MRPS22: variants seen among roughly 807,000 people sequenced by gnomAD.
MRPS22 encodes the protein small ribosomal subunit protein mS22.
MRPS22 carries 30 observed loss-of-function variants against 44.0 expected under a neutral mutation model. The observed-to-expected ratio is 0.68, with a 90% confidence interval of 0.51 to 0.93. The LOEUF is 0.93. MRPS22 is among the 40% of genes least tolerant of loss of function. MRPS22 has a pLI of 0.00. For missense variants in MRPS22, 447 were observed against 447.8 expected, an observed-to-expected ratio of 1.00 and a Z score of 0.02; for synonymous variants, 165 against 154.4, an observed-to-expected ratio of 1.07 and a Z score of -0.51.
At position 139,348,312 on chromosome 3, in the gene MRPS22, CATA is replaced by C. The variant is rs1941085452; in HGVS notation, c.493_495del (p.Ile165del). 6.2e-7 allele frequency: 1 copy of C among 1,613,734 alleles called. No individual in the cohort carries two copies. Among genetic ancestry groups the C allele is most frequent in the Admixed American group, 1.7e-5 (1 of 60,000 alleles). ...ATGTGTTTACTGATATATCATATAG[CATA>C]CCACACCGGGTGAGTATATGTCTAA... On this transcript the variant is annotated inframe_deletion, in exon 3 of 8. Coordinates refer to ENST00000680020, the MANE Select transcript of MRPS22 (RefSeq NM_020191.4).
chr3:139,356,406 A>G (rs1275334184), intron 7 of MRPS22, among the ~76,000 whole-genome samples: 4 of 152,214 alleles, frequency 2.6e-5, no homozygotes, highest in African/African-American at 9.6e-5. Context: ...CAGAATATAC[A>G]TGGTTTTGTG....
At chr3:139,353,896 T>G (rs995355467) in intron 6 of MRPS22, among the ~76,000 whole-genome samples, 1 of 152,242 alleles carries the variant, frequency 6.6e-6, no homozygotes, top group Admixed American at 6.5e-5. Context: ...TGAAATTGCT[T>G]TATTATTAAA....
chr3:139,354,948 AC>A (rs1470063335), intron 6 of MRPS22, among the ~76,000 whole-genome samples: 1 of 152,194 alleles, frequency 6.6e-6, no homozygotes, highest in African/African-American at 2.4e-5. Flanking sequence ...TTTTGCTAGG[AC>A]AGTTTTAATG....
At chr3:139,344,601 A>G (rs1941002571) in intron 1 of MRPS22, 2 of 643,160 alleles carry the variant, frequency 3.1e-6, no homozygotes, top group Non-Finnish European at 5.6e-6. Context: ...AATATGACCA[A>G]AGCTGAGATC....
At chr3:139,356,342 T>C (rs891045393) in intron 7 of MRPS22, among the ~76,000 whole-genome samples, 4 of 152,202 alleles carry the variant, frequency 2.6e-5, no homozygotes, top group African/African-American at 9.7e-5. Flanking sequence ...AGATGATATT[T>C]TCAGGAAGGG....
In MRPS22 at chr3:139,355,669, C is replaced by T. The variant is rs1375134414; in HGVS notation, c.879-13C>T. 3.1e-6 allele frequency: 5 copies of T among 1,607,094 alleles called. No individual in the cohort carries two copies. Among genetic ancestry groups the T allele is most frequent in the Non-Finnish European group, 4.3e-6 (5 of 1,173,724 alleles). On this transcript the variant is annotated splice_polypyrimidine_tract_variant and intron_variant, in intron 6 of 7. Coordinates refer to ENST00000680020, the MANE Select transcript of MRPS22 (RefSeq NM_020191.4). ...GAAAACCCCTAGATAACATTAAACCCTTTCATTCTCAGAATCGATGATGCA... is the reference window on the plus strand; with the variant it reads ...GAAAACCCCTAGATAACATTAAACCTTTTCATTCTCAGAATCGATGATGCA...
rs758244041 is a variant in MRPS22 at position 139,350,305 on chromosome 3, A to G, written c.631A>G (p.Lys211Glu). ...GRKILTPIIF[K>E]EENLRTMYSQ... ...TAAAATTTTGACACCAATAATTTTC[A>G]AGGAAGAAAATCTTAGGGTAAGGTG... Residue 211 changes from lysine (K) to glutamate (E), a missense_variant, in exon 4 of 8, where the codon AAG becomes GAG. By Grantham distance (56) the Lys-to-Glu change is moderately conservative. Coordinates refer to ENST00000680020, the MANE Select transcript of MRPS22 (RefSeq NM_020191.4). The G allele has an allele frequency of 6.2e-7, 1 of 1,614,164 alleles. No individual in the cohort carries two copies. The highest frequency in any genetic ancestry group is 8.5e-7 in the Non-Finnish European group (1 of 1,180,006).
In MRPS22 at chr3:139,357,068, A is replaced by G; in HGVS notation, c.*54A>G. On this transcript the variant is annotated 3_prime_UTR_variant, in exon 8 of 8. Coordinates refer to ENST00000680020, the MANE Select transcript of MRPS22 (RefSeq NM_020191.4). ...TAAATACTGACTACATTTCTCTGTTAATATTGAGCTAAATGTTAAAAAATG... is the reference window on the plus strand; with the variant it reads ...TAAATACTGACTACATTTCTCTGTTGATATTGAGCTAAATGTTAAAAAATG... 7.3e-7 allele frequency: 1 copy of G among 1,374,850 alleles called. No homozygotes were observed. Among genetic ancestry groups the G allele is most frequent in the South Asian group, 1.2e-5 (1 of 81,920 alleles). 85.2% of individuals were successfully genotyped at this position (1,374,850 alleles called of 1,614,324 possible).
At chr3:139,348,033 C>T in intron 2 of MRPS22, 127 bp from the exon 3 acceptor site, 1 of 1,003,990 alleles carries the variant, frequency 1.0e-6, no homozygotes, top group Non-Finnish European at 1.5e-6. Flanking sequence ...TTTTTACTCA[C>T]TGATTTGTGG....
At chr3:139,350,779 T>C (rs769186857) in intron 4 of MRPS22, 198 bp from the exon 5 acceptor site, 4 of 615,870 alleles carry the variant, frequency 6.5e-6, no homozygotes, top group Non-Finnish European at 1.2e-5. Context: ...CAAGATGGGT[T>C]GTACTAGGGT....
rs772611070 is a variant in MRPS22 at position 139,352,660 on chromosome 3, C to T, written c.746C>T (p.Thr249Ile). ...STEYIKVHHK[T>I]YEDIDKRGKY... ...TTATGTGGATAGGTTCATCACAAGA[C>T]CTATGAAGATATAGATAAACGTGGA... is the stretch of plus-strand genomic sequence containing the variant. Residue 249 changes from threonine (T) to isoleucine (I), a missense_variant, in exon 6 of 8, where the codon ACC becomes ATC. Coordinates refer to ENST00000680020, the MANE Select transcript of MRPS22 (RefSeq NM_020191.4). 1 of 1,613,148 alleles carries T rather than the reference C, an allele frequency of 6.2e-7. No individual in the cohort carries two copies. Among genetic ancestry groups the T allele is most frequent in the Non-Finnish European group, 8.5e-7 (1 of 1,179,286 alleles).
Position 139,355,739 on chromosome 3 carries a change from G to A in MRPS22, c.936G>A (p.Gln312=), listed in dbSNP as rs745352364. The part of the protein sequence containing the change: ...QLYHVLHPDG[Q]SAQGAKDQAA... ...ATCACGTGCTCCATCCAGATGGCCA[G>A]TCGGCTCAAGGGGCCAAGGATCAGG... The change falls in exon 7 of 8, where the codon CAG becomes CAA. Residue 312 remains glutamine, a synonymous_variant. Transcript: ENST00000680020. 2 of 1,614,188 alleles carry A rather than the reference G, an allele frequency of 1.2e-6. No individual in the cohort carries two copies. The highest frequency in any genetic ancestry group is 2.2e-5 in the South Asian group (2 of 91,082).
chr3:139,345,438 G>GTTTTTTTTTTTTTTTTTTTTTTTTTTTTT (rs55710231), intron 1 of MRPS22, among the ~76,000 whole-genome samples: 2 of 121,646 alleles, frequency 1.6e-5, no homozygotes, highest in Non-Finnish European at 3.3e-5. Flanking sequence ...TGCCAGTGGT[G>GTTTTTTTTTTTTTTTTTTTTTTTTTTTTT]TTTTTTTTTT....
In MRPS22 at chr3:139,346,968, A is replaced by G. The variant is rs1180287924; in HGVS notation, c.263A>G (p.Gln88Arg). The change falls in exon 2 of 8, where the codon CAG (glutamine) becomes CGG (arginine). Residue 88 changes from glutamine (Q) to arginine (R), a missense_variant. By Grantham distance (43) the Gln-to-Arg change is conservative. Coordinates refer to ENST00000680020, the MANE Select transcript of MRPS22 (RefSeq NM_020191.4). ...ACGAAAATGACAGGCTTGAACTTGC[A>G]GAAGACTTTTAAGCCAGCTATACAA... is the stretch of plus-strand genomic sequence containing the variant. ...ILTKMTGLNL[Q>R]KTFKPAIQEL... The G allele has an allele frequency of 1.7e-5, 27 of 1,614,100 alleles. No individual in the cohort carries two copies. The highest frequency in any genetic ancestry group is 2.3e-5 in the Non-Finnish European group (27 of 1,180,036).
intron 2 of MRPS22, among the ~76,000 whole-genome samples, chr3:139,347,708 A>G (rs1941067192): frequency 6.6e-6 from 1 of 152,114 alleles, no homozygotes; most frequent in Non-Finnish European, 1.5e-5. Flanking sequence ...CAGTGTTGCA[A>G]TTTTCTAGCA....
At chr3:139,353,246 A>T (rs1000821664) in intron 6 of MRPS22, among the ~76,000 whole-genome samples, 4 of 152,240 alleles carry the variant, frequency 2.6e-5, no homozygotes, top group Admixed American at 2.6e-4. Flanking sequence ...TTTTTAAGGC[A>T]TGAAAAAGTT....
chr3:139,350,373 G>A, intron 4 of MRPS22, 51 bp downstream of exon 4: 1 of 1,597,654 alleles, frequency 6.3e-7, no homozygotes, highest in Non-Finnish European at 8.6e-7. Flanking sequence ...TGATTTATTT[G>A]TAGAACCAGT....
chr3:139,352,141 G>A (rs985998328), intron 5 of MRPS22: 4 of 167,770 alleles, frequency 2.4e-5, no homozygotes, highest in African/African-American at 9.6e-5. Flanking sequence ...ATGCATAATC[G>A]GTGCTTAATA....
chr3:139,345,226 G>T (rs1941016697), intron 1 of MRPS22, among the ~76,000 whole-genome samples: 1 of 152,132 alleles, frequency 6.6e-6, no homozygotes, highest in Non-Finnish European at 1.5e-5. Flanking sequence ...GAAGCCATTC[G>T]TGAATTTTAA....
Sources: gnomAD v4.1 joint callset for allele counts (sites outside exome capture counted in the v4.1 genomes callset) on GRCh38, gnomAD v4.1.1 for gene constraint, MANE v1.5 for transcripts, NCBI Gene and HGNC (gene_info 2026-07-23, HGNC 2026-07-21) for gene names.